Variants in SRGAP3 observed in about 807,000 individuals in gnomAD.
SRGAP3 encodes SLIT-ROBO Rho GTPase-activating protein 3.
SRGAP3 carries 39 observed loss-of-function variants against 121.1 expected under a neutral mutation model. The ratio of observed to expected loss-of-function variants is 0.32; its 90% CI spans 0.25 to 0.42. The LOEUF (loss-of-function observed/expected upper bound fraction) is 0.42. SRGAP3 is among the 10% of genes least tolerant of loss of function. SRGAP3 has a pLI of 1.00. For missense variants in SRGAP3, 1,213 were observed against 1,470.6 expected, an observed-to-expected ratio of 0.82 and a Z score of 2.86; for synonymous variants, 601 against 570.0, an observed-to-expected ratio of 1.05 and a Z score of -0.77.
At chr3:9,015,161 G>A (rs553568672) in intron 15 of SRGAP3, among the ~76,000 whole-genome samples, 1 of 152,186 alleles carries the variant, frequency 6.6e-6, no homozygotes, top group Non-Finnish European at 1.5e-5. Flanking sequence ...AAAAGCTCTG[G>A]AATGTCTGCA....
intron 19 of SRGAP3, chr3:8,993,996 A>T (rs1942234902): frequency 8.1e-6 from 3 of 369,120 alleles, no homozygotes; most frequent in Admixed American, 3.8e-5. Context: ...GGAGTGTAGA[A>T]CCGTAGGCAG....
rs557610339 is a variant in SRGAP3, at chr3:9,299,597, A to G, written n.442+26413T>C. Among the ~76,000 whole-genome samples, 14 of 152,180 alleles carry G rather than the reference A, an allele frequency of 9.2e-5. No individual in the cohort carries two copies. The East Asian group carries it at 2.7e-3, about 29-fold the overall frequency. On this transcript the variant is annotated intron_variant and non_coding_transcript_variant, in intron 3 of 3. Coordinates refer to the SRGAP3 transcript ENST00000490889. Reference sequence around the variant, plus strand: ...GCTAAAAATAACTGAAACACTGATCATGTTGCTGCTCTACTTAAGATCCTT... The same window carrying G: ...GCTAAAAATAACTGAAACACTGATCGTGTTGCTGCTCTACTTAAGATCCTT...
intron 2 of SRGAP3, among the ~76,000 whole-genome samples, chr3:9,329,226 C>T (rs1955565554): frequency 1.3e-5 from 2 of 152,142 alleles, no homozygotes; most frequent in Admixed American, 1.3e-4. Context: ...GTGATTTTTA[C>T]CATTCATTCA....
chr3:9,041,282 C>T (rs557282566), intron 10 of SRGAP3, among the ~76,000 whole-genome samples: 15 of 152,358 alleles, frequency 9.8e-5, no homozygotes, highest in Admixed American at 9.8e-4. Context: ...TCCACCTCCA[C>T]AAACACAAGG....
chr3:9,078,071 A>G (rs1398774207), intron 4 of SRGAP3, among the ~76,000 whole-genome samples: 49 of 152,216 alleles, frequency 3.2e-4, no homozygotes, highest in Admixed American at 3.2e-3. Flanking sequence ...CCGAGAGGTA[A>G]TAACATTCTG....
intron 2 of SRGAP3, among the ~76,000 whole-genome samples, chr3:9,114,067 C>A (rs1483050567): frequency 2.0e-5 from 3 of 152,182 alleles, no homozygotes; most frequent in African/African-American, 7.2e-5. Context: ...TAATTCCATC[C>A]ATTGAGTCCC....
chr3:9,196,647 AGTTT>A (rs938709586), intron 1 of SRGAP3, among the ~76,000 whole-genome samples: 5 of 152,212 alleles, frequency 3.3e-5, no homozygotes, highest in Non-Finnish European at 5.9e-5. Flanking sequence ...TATTTGCAGA[AGTTT>A]GTAACATTTC....
At chr3:9,360,190 A>G (rs1244375743) in intron 1 of SRGAP3, among the ~76,000 whole-genome samples, 2 of 152,094 alleles carry the variant, frequency 1.3e-5, no homozygotes, top group Non-Finnish European at 2.9e-5. Flanking sequence ...CTGCCTCCCA[A>G]ATTGCTAGAA....
At chr3:9,280,866 G>A (rs1383554367) in intron 3 of SRGAP3, among the ~76,000 whole-genome samples, 2 of 152,074 alleles carry the variant, frequency 1.3e-5, no homozygotes, top group Admixed American at 6.5e-5. Context: ...CTATGGCAAC[G>A]CAAGCCACTC....
chr3:9,268,110 G>C (rs1487961374), intron 3 of SRGAP3, among the ~76,000 whole-genome samples: 1 of 152,142 alleles, frequency 6.6e-6, no homozygotes, highest in Non-Finnish European at 1.5e-5. Context: ...ATGTGAGTCA[G>C]CCTGGAAGCA....
chr3:9,278,220 G>T (rs1458181271), intron 3 of SRGAP3, among the ~76,000 whole-genome samples: 1 of 152,152 alleles, frequency 6.6e-6, no homozygotes, highest in East Asian at 1.9e-4. Context: ...TGATCACCAG[G>T]CCTCAGGCCC....
At chr3:9,134,079 G>C (rs752113301) in intron 1 of SRGAP3, among the ~76,000 whole-genome samples, 1 of 152,216 alleles carries the variant, frequency 6.6e-6, no homozygotes, top group Non-Finnish European at 1.5e-5. Flanking sequence ...TGACCCATTA[G>C]GAACGCCAGC....
intron 1 of SRGAP3, among the ~76,000 whole-genome samples, chr3:9,161,149 C>T (rs1014641673): frequency 6.6e-6 from 1 of 152,184 alleles, no homozygotes; most frequent in Admixed American, 6.5e-5. Context: ...CTACAAAATG[C>T]TTATTAAATA....
At chr3:9,322,381 G>GCATGTTAATAGC in intron 3 of SRGAP3, among the ~76,000 whole-genome samples, 1 of 151,770 alleles carries the variant, frequency 6.6e-6, no homozygotes, top group African/African-American at 2.4e-5. Flanking sequence ...AGGTCTGTAG[G>GCATGTTAATAGC]ATGTTAATAG....
At chr3:9,270,947 C>T (rs1191928998) in intron 3 of SRGAP3, among the ~76,000 whole-genome samples, 5 of 152,146 alleles carry the variant, frequency 3.3e-5, no homozygotes, top group Admixed American at 2.6e-4. Context: ...GTATGCTGTG[C>T]TGCCCAGATC....
At chr3:9,071,706 G>A (rs1411423937) in intron 4 of SRGAP3, among the ~76,000 whole-genome samples, 1 of 152,008 alleles carries the variant, frequency 6.6e-6, no homozygotes, top group East Asian at 1.9e-4. Flanking sequence ...GAAAGAGTGG[G>A]GAAGGAAGGT....
intron 4 of SRGAP3, among the ~76,000 whole-genome samples, chr3:9,066,293 C>G (rs769162921): frequency 2.3e-4 from 35 of 152,164 alleles, no homozygotes; most frequent in Non-Finnish European, 4.4e-4. Context: ...ATCCATGGCT[C>G]CTGGGCCTTG....
intron 2 of SRGAP3, among the ~76,000 whole-genome samples, chr3:9,118,814 C>T (rs182581487): frequency 6.6e-6 from 1 of 152,252 alleles, no homozygotes; most frequent in East Asian, 1.9e-4. Context: ...GAGACCATGG[C>T]ACAGTCCACA....
intron 1 of SRGAP3, among the ~76,000 whole-genome samples, chr3:9,232,277 T>C (rs1953238756): frequency 6.6e-6 from 1 of 152,202 alleles, no homozygotes; most frequent in Non-Finnish European, 1.5e-5. Flanking sequence ...AAGTCCTTAC[T>C]TACTGTCAAC....
Sources: gnomAD v4.1 joint callset for allele counts (sites outside exome capture counted in the v4.1 genomes callset) on GRCh38, gnomAD v4.1.1 for gene constraint, MANE v1.5 for transcripts, NCBI Gene and HGNC (gene_info 2026-07-23, HGNC 2026-07-21) for gene names.